Variants in ANKRD20A1 observed in about 807,000 individuals in gnomAD.
The protein encoded by ANKRD20A1 is ankyrin repeat domain 20 family member A1, also known as ankyrin repeat domain-containing protein 20A1.
Under a neutral mutation model 50.9 loss-of-function variants are expected in ANKRD20A1, and 2 were observed. That is an observed-to-expected ratio of 0.04 (90% CI 0.02 to 0.12). The LOEUF (loss-of-function observed/expected upper bound fraction) is 0.12. ANKRD20A1 is among the 10% of genes least tolerant of loss of function. The pLI, the probability that ANKRD20A1 is intolerant of heterozygous loss-of-function variation, is 1.00. For synonymous variants in ANKRD20A1, 10 were observed against 186.2 expected, an observed-to-expected ratio of 0.05 and a Z score of 7.70; for missense variants, 31 against 548.1, an observed-to-expected ratio of 0.06 and a Z score of 9.42.
At position 67,888,989 on chromosome 9, in the gene ANKRD20A1, CAG is replaced by C. The variant is rs1208715729; in HGVS notation, c.1081+1524_1081+1525del. ...TGTTTGTTTGTTTGTGTTTTTGAGA[CAG>C]AGTCTTGCTCTGTCACCAAGGCTGC... On this transcript the variant is annotated intron_variant, in intron 11 of 14. Transcript: ENST00000562196. Among the ~76,000 whole-genome samples, 34 of 146,846 alleles carry C rather than the reference CAG, an allele frequency of 2.3e-4. 1 individual carries two copies. The highest frequency in any genetic ancestry group is 5.0e-4 in the Non-Finnish European group (33 of 66,064).
At chr9:67,881,693 G>A in intron 8 of ANKRD20A1, among the ~76,000 whole-genome samples, 1 of 152,080 alleles carries the variant, frequency 6.6e-6, no homozygotes, top group East Asian at 1.9e-4. Flanking sequence ...TGCTCAGGAG[G>A]CCAAGGTGGG....
intron 8 of ANKRD20A1, among the ~76,000 whole-genome samples, chr9:67,880,816 C>T (rs1285990364): frequency 2.2e-5 from 1 of 46,148 alleles, no homozygotes. Context: ...TTAGGAAATG[C>T]TTTCTCCAAT....
At position 67,859,658 on chromosome 9, in the gene ANKRD20A1, G is replaced by T. The variant is rs1827485049; in HGVS notation, c.203+29G>T. 2 of 573,344 alleles carry T rather than the reference G, an allele frequency of 3.5e-6. 1 individual carries two copies. 35.5% of individuals were successfully genotyped at this position (573,344 alleles called of 1,614,324 possible). On this transcript the variant is annotated intron_variant, in intron 1 of 14. Transcript: ENST00000562196. ...GCGGGGGCTCAGCCCGGGGTGGGAG[G>T]GGGCCCCCAGGCCCGGCTTCCCCGC...
rs1273047324 is a variant in ANKRD20A1 at position 67,878,920 on chromosome 9, A to T, written c.824+1130A>T. ...GTAGATAAGAATGGAATGAGCAGGG[A>T]AGTCCAAGTTTGAAGATAAACAACA... On this transcript the variant is annotated intron_variant, in intron 7 of 14. Coordinates refer to ENST00000562196, the MANE Select transcript of ANKRD20A1 (RefSeq NM_032250.5). Among the ~76,000 whole-genome samples the T allele has an allele frequency of 1.9e-4, 11 of 57,416 alleles. 4 individuals are homozygous for T. The highest frequency in any genetic ancestry group is 4.8e-4 in the Non-Finnish European group (9 of 18,820). The allele number at this position is 57,416 out of a possible 152,430, so 37.7% of individuals were successfully genotyped here. A position where few individuals can be genotyped will look rare whatever the true frequency, so the allele number is the denominator to read the frequency against.
At chr9:67,868,014 A>C (rs1205951289) in intron 4 of ANKRD20A1, among the ~76,000 whole-genome samples, 2 of 128,704 alleles carry the variant, frequency 1.6e-5, no homozygotes, top group African/African-American at 5.5e-5. Context: ...CATTGTCATT[A>C]TTATTATTGT....
intron 1 of ANKRD20A1, among the ~76,000 whole-genome samples, chr9:67,859,990 A>G (rs2131547295): frequency 4.6e-5 from 1 of 21,762 alleles, no homozygotes; most frequent in African/African-American, 2.2e-4. Context: ...AATATTTACT[A>G]TATTATATAT....
chr9:67,865,882 A>G (rs1338985203), intron 3 of ANKRD20A1, among the ~76,000 whole-genome samples: 4 of 149,216 alleles, frequency 2.7e-5, no homozygotes, highest in African/African-American at 9.7e-5. Flanking sequence ...TGTTTATAAT[A>G]TATAGTCTAT....
In ANKRD20A1 at chr9:67,859,927, C is replaced by T. The variant is rs1827487824; in HGVS notation, c.203+298C>T. The stretch of plus-strand genomic sequence containing the variant: ...AACTCGTTCCCCTATCAAAAATAAC[C>T]GTGAGTTGTTTCAGTGGGCGAAAAG... On this transcript the variant is annotated intron_variant, in intron 1 of 14. Transcript: ENST00000562196. Among the ~76,000 whole-genome samples the T allele has an allele frequency of 4.1e-5, 2 of 48,614 alleles. 1 individual carries two copies. The highest frequency in any genetic ancestry group is 8.3e-5 in the Non-Finnish European group (2 of 24,184). 31.9% of individuals were successfully genotyped at this position (48,614 alleles called of 152,430 possible).
chr9:67,897,126 A>G (rs188335057), intron 12 of ANKRD20A1, among the ~76,000 whole-genome samples: 1,756 of 97,270 alleles, frequency 0.018, 271 homozygotes, highest in Non-Finnish European at 0.029. Flanking sequence ...CTGTTCCCGA[A>G]GGCCTACAAG....
chr9:67,884,885 G>T (rs1175121839), intron 9 of ANKRD20A1, among the ~76,000 whole-genome samples: 1 of 150,196 alleles, frequency 6.7e-6, no homozygotes, highest in Non-Finnish European at 1.5e-5. Context: ...GCGAGACTCC[G>T]TCTCAGAAAA....
chr9:67,881,266 T>C (rs1424097947), intron 8 of ANKRD20A1, among the ~76,000 whole-genome samples: 29 of 138,834 alleles, frequency 2.1e-4, no homozygotes, highest in African/African-American at 6.9e-4. Context: ...TGTGGAAATA[T>C]AGAAATTTAA....
chr9:67,865,639 A>G (rs569145966), intron 3 of ANKRD20A1, among the ~76,000 whole-genome samples: 4,046 of 130,118 alleles, frequency 0.031, 2 homozygotes, highest in Admixed American at 0.042. Flanking sequence ...GACTTCAGGC[A>G]TATCCTAAAA....
chr9:67,885,448 C>T (rs1827865442), intron 9 of ANKRD20A1, among the ~76,000 whole-genome samples: 1 of 152,308 alleles, frequency 6.6e-6, no homozygotes, highest in Non-Finnish European at 1.5e-5. Context: ...CAAAAATGGT[C>T]AGCCATGTAT....
intron 1 of ANKRD20A1, among the ~76,000 whole-genome samples, chr9:67,860,144 G>A (rs28557228): frequency 0.26 from 10,289 of 38,910 alleles, 4,507 homozygotes; most frequent in Non-Finnish European, 0.34. Context: ...TGCAACCTCT[G>A]CCTGCCGGGT....
At chr9:67,868,007 T>G (rs1827603783) in intron 4 of ANKRD20A1, among the ~76,000 whole-genome samples, 2 of 127,524 alleles carry the variant, frequency 1.6e-5, no homozygotes, top group Non-Finnish European at 3.3e-5. Context: ...CTACTAGCAT[T>G]GTCATTATTA....
At chr9:67,882,322 A>G (rs1271446580) in intron 8 of ANKRD20A1, among the ~76,000 whole-genome samples, 2 of 151,212 alleles carry the variant, frequency 1.3e-5, no homozygotes, top group African/African-American at 2.4e-5. Context: ...ATGAATTTTT[A>G]TATAATGGAA....
At chr9:67,875,813 T>TA (rs1470194293) in intron 6 of ANKRD20A1, among the ~76,000 whole-genome samples, 1 of 93,166 alleles carries the variant, frequency 1.1e-5, no homozygotes, top group African/African-American at 3.6e-5. Context: ...TTTGAATAGT[T>TA]AAAAAATTAA....
At position 67,895,834 on chromosome 9, in the gene ANKRD20A1, T is replaced by G. The variant is rs1827996740; in HGVS notation, c.1153-1725T>G. On this transcript the variant is annotated intron_variant, in intron 12 of 14. Coordinates refer to ENST00000562196, the MANE Select transcript of ANKRD20A1 (RefSeq NM_032250.5). ...AGACAGAGGTTCACTTGCTGCTTCTTTTTCCTCTTTATCAATTATTTGATT... is the reference window on the plus strand; with the variant it reads ...AGACAGAGGTTCACTTGCTGCTTCTGTTTCCTCTTTATCAATTATTTGATT... Among the ~76,000 whole-genome samples the G allele has an allele frequency of 2.3e-5, 2 of 86,696 alleles. 1 individual carries two copies. The highest frequency in any genetic ancestry group is 5.1e-5 in the Non-Finnish European group (2 of 39,154). The allele number at this position is 86,696 out of a possible 152,430, so 56.9% of individuals were successfully genotyped here.
chr9:67,860,034 C>T (rs370556239), intron 1 of ANKRD20A1, among the ~76,000 whole-genome samples: 1 of 33,514 alleles, frequency 3.0e-5, no homozygotes, highest in Non-Finnish European at 5.5e-5. Flanking sequence ...AGTATGTTTT[C>T]ATTTTATAGG....
Sources: gnomAD v4.1 joint callset for allele counts (sites outside exome capture counted in the v4.1 genomes callset) on GRCh38, gnomAD v4.1.1 for gene constraint, MANE v1.5 for transcripts, NCBI Gene and HGNC (gene_info 2026-07-23, HGNC 2026-07-21) for gene names.